The following METTL24 variants were observed in gnomAD, a reference collection of about 807,000 sequenced individuals.
METTL24 encodes probable methyltransferase-like protein 24.
In METTL24, 29 loss-of-function variants were observed where a neutral mutation model predicts 32.7. That is an observed-to-expected ratio of 0.89 (90% CI 0.66 to 1.21). The LOEUF (loss-of-function observed/expected upper bound fraction) is 1.21. METTL24 is among the 50% of genes most tolerant of loss of function. The probability of loss-of-function intolerance (pLI) is 0.00; values close to 1 mark genes in which losing one functional copy is unlikely to be tolerated. For missense variants in METTL24, 439 were observed against 468.1 expected, an observed-to-expected ratio of 0.94 and a Z score of 0.57; for synonymous variants, 163 against 179.5, an observed-to-expected ratio of 0.91 and a Z score of 0.73.
At chr6:110,296,269 A>G (rs1399636301) in intron 4 of METTL24, among the ~76,000 whole-genome samples, 1 of 152,238 alleles carries the variant, frequency 6.6e-6, no homozygotes, top group Non-Finnish European at 1.5e-5. Context: ...AAAACTATAC[A>G]TTATGATTAA....
chr6:110,287,916 G>T (rs1182044950), intron 4 of METTL24, among the ~76,000 whole-genome samples: 1 of 152,168 alleles, frequency 6.6e-6, no homozygotes, highest in East Asian at 1.9e-4. Flanking sequence ...AGGCATGCCT[G>T]GACCTTGACC....
At position 110,358,097 on chromosome 6, in the gene METTL24, G is replaced by A. The variant is rs564190655; in HGVS notation, c.176C>T (p.Pro59Leu). The A allele has an allele frequency of 6.0e-6, 6 of 1,005,636 alleles. No individual in the cohort carries two copies. Among genetic ancestry groups the A allele is most frequent in the African/African-American group, 5.2e-5 (3 of 57,338 alleles). 62.3% of individuals were successfully genotyped at this position (1,005,636 alleles called of 1,614,324 possible). A position where few individuals can be genotyped will look rare whatever the true frequency, so the allele number is the denominator to read the frequency against. The change falls in exon 1 of 5, where the codon CCG (proline) becomes CTG (leucine). Residue 59 changes from proline (P) to leucine (L), a missense_variant. Physicochemically the swap from Pro to Leu is moderately conservative, Grantham distance 98. Coordinates refer to ENST00000338882, the MANE Select transcript of METTL24 (RefSeq NM_001123364.3). The stretch of plus-strand genomic sequence containing the variant: ...GCCGCGCGGCTGGCCCGGCGCGGGC[G>A]GCAGGTGCGGCCCAGGTGGCCGCCA... ...PAWRPPGPHL[P>L]PAPGQPRGAS...
At chr6:110,316,136 C>T (rs547135513) in intron 2 of METTL24, among the ~76,000 whole-genome samples, 10 of 152,176 alleles carry the variant, frequency 6.6e-5, no homozygotes, top group Admixed American at 2.6e-4. Flanking sequence ...TGCTCTAATG[C>T]GCTTCCTCCT....
chr6:110,322,873 C>T lies in METTL24; in HGVS notation c.319-1G>A. On this transcript the variant is annotated splice_acceptor_variant, in intron 1 of 4. Transcript: ENST00000338882. LOFTEE classifies it high-confidence loss of function. ...GGAGATCTATATGCCACCGGGGACC[C>T]TGCAAGAGACAGAAAACATAGGTTG... is the stretch of plus-strand genomic sequence containing the variant. 1.2e-6 allele frequency: 2 copies of T among 1,608,378 alleles called. No homozygotes were observed. Among genetic ancestry groups the T allele is most frequent in the East Asian group, 2.2e-5 (1 of 44,608 alleles).
intron 4 of METTL24, among the ~76,000 whole-genome samples, chr6:110,276,450 T>TAAAA (rs1304938405): frequency 1.3e-5 from 2 of 152,028 alleles, no homozygotes; most frequent in Non-Finnish European, 2.9e-5. Flanking sequence ...GGCTGTGTCT[T>TAAAA]AAAAACAAAC....
intron 4 of METTL24, among the ~76,000 whole-genome samples, chr6:110,263,291 T>C (rs1282139577): frequency 6.6e-6 from 1 of 152,132 alleles, no homozygotes; most frequent in African/African-American, 2.4e-5. Flanking sequence ...ACAAAATCAA[T>C]GTGCAAAAAT....
intron 3 of METTL24, among the ~76,000 whole-genome samples, chr6:110,303,360 G>T (rs554465164): frequency 6.6e-6 from 1 of 152,206 alleles, no homozygotes; most frequent in South Asian, 2.1e-4. Flanking sequence ...GGAGACAAGT[G>T]GTCTTGCTCA....
At chr6:110,346,158 A>G (rs1772468196) in intron 1 of METTL24, among the ~76,000 whole-genome samples, 1 of 152,188 alleles carries the variant, frequency 6.6e-6, no homozygotes, top group African/African-American at 2.4e-5. Context: ...AGACACCTCA[A>G]ATGGACTTTC....
intron 4 of METTL24, among the ~76,000 whole-genome samples, chr6:110,265,775 G>T (rs1399826402): frequency 6.6e-6 from 1 of 151,438 alleles, no homozygotes; most frequent in African/African-American, 2.4e-5. Flanking sequence ...CTCCTTACAA[G>T]ATTTGTACTA....
chr6:110,254,034 G>A, intron 4 of METTL24: 1 of 1,160,868 alleles, frequency 8.6e-7, no homozygotes, highest in Non-Finnish European at 1.1e-6. Context: ...TCACAAATTT[G>A]CATTTGGGAA....
At chr6:110,353,568 T>C (rs1225566381) in intron 1 of METTL24, among the ~76,000 whole-genome samples, 94 of 150,550 alleles carry the variant, frequency 6.2e-4, no homozygotes, top group Middle Eastern at 6.9e-3. Context: ...TTTTTTTTTT[T>C]CCGCCTGACA....
At chr6:110,333,616 A>AT (rs1340250776) in intron 1 of METTL24, among the ~76,000 whole-genome samples, 1 of 151,874 alleles carries the variant, frequency 6.6e-6, no homozygotes, top group African/African-American at 2.4e-5. Context: ...TAATTTCTGT[A>AT]TTTTTAGTAG....
chr6:110,322,595 G>A (rs1053914882), intron 2 of METTL24, 179 bp downstream of exon 2: 4 of 470,098 alleles, frequency 8.5e-6, no homozygotes, highest in African/African-American at 7.7e-5. Context: ...CTAGCAAATG[G>A]AAGGTATCTT....
intron 4 of METTL24, among the ~76,000 whole-genome samples, chr6:110,286,352 T>G (rs1771220625): frequency 6.6e-6 from 1 of 152,150 alleles, no homozygotes; most frequent in Non-Finnish European, 1.5e-5. Context: ...TGGGGTTGGT[T>G]AAAAATGCAG....
intron 3 of METTL24, among the ~76,000 whole-genome samples, chr6:110,302,478 C>T (rs1269768370): frequency 2.2e-5 from 2 of 93,016 alleles, no homozygotes; most frequent in Middle Eastern, 5.4e-3. Flanking sequence ...TATATATACA[C>T]ATATACACAC....
chr6:110,313,062 C>A (rs1771752755), intron 3 of METTL24, among the ~76,000 whole-genome samples: 1 of 152,252 alleles, frequency 6.6e-6, no homozygotes, highest in African/African-American at 2.4e-5. Flanking sequence ...ATGGAGAGGA[C>A]ATCCCCTGTC....
In METTL24 at chr6:110,305,833, C is replaced by T. The variant is rs571384558; in HGVS notation, c.558-6683G>A. ...CAGCAATCCCATTACTGGGTAGATACCCAAAGGATTATAAATCATTCTACT... is the reference window on the plus strand; with the variant it reads ...CAGCAATCCCATTACTGGGTAGATATCCAAAGGATTATAAATCATTCTACT... On this transcript the variant is annotated intron_variant, in intron 3 of 4. Transcript: ENST00000338882. 4.4e-4 allele frequency among the ~76,000 whole-genome samples: 67 copies of T among 152,210 alleles called. 1 individual carries two copies. In the South Asian group the frequency reaches 5.4e-3, roughly 12 times the overall value.
chr6:110,356,003 T>C (rs778688703), intron 1 of METTL24, among the ~76,000 whole-genome samples: 4 of 151,860 alleles, frequency 2.6e-5, no homozygotes, highest in African/African-American at 9.7e-5. Context: ...AGACAAAGAG[T>C]TAAGAGTAAT....
At chr6:110,248,935 A>G (rs1020206136) in intron 4 of METTL24, among the ~76,000 whole-genome samples, 2 of 152,014 alleles carry the variant, frequency 1.3e-5, no homozygotes, top group Non-Finnish European at 2.9e-5. Context: ...AAAACTTTGT[A>G]AAATTTTCTA....
Sources: allele counts gnomAD v4.1 joint callset (sites outside exome capture counted in the v4.1 genomes callset), GRCh38; gene constraint gnomAD v4.1.1; transcripts MANE v1.5; gene names NCBI Gene and HGNC (gene_info 2026-07-23, HGNC 2026-07-21).